The following DAB1 variants were observed in gnomAD, a reference collection of about 807,000 sequenced individuals.
The protein encoded by DAB1 is DAB adaptor protein 1.
DAB1 carries 15 observed loss-of-function variants against 64.6 expected under a neutral mutation model. The observed-to-expected ratio is 0.23, with a 90% CI of 0.16 to 0.36. The LOEUF (loss-of-function observed/expected upper bound fraction) is 0.36. DAB1 is among the 10% of genes least tolerant of loss of function. DAB1 has a pLI of 1.00. For missense variants in DAB1, 596 were observed against 706.7 expected, an observed-to-expected ratio of 0.84 and a Z score of 1.78; for synonymous variants, 235 against 251.9, an observed-to-expected ratio of 0.93 and a Z score of 0.64.
intron 7 of DAB1, among the ~76,000 whole-genome samples, chr1:57,515,494 G>A (rs909974907): frequency 6.6e-6 from 1 of 152,184 alleles, no homozygotes; most frequent in African/African-American, 2.4e-5. Flanking sequence ...CCAAGAATAT[G>A]GTCGCTGTTC....
chr1:57,504,303 C>T (rs901887650), intron 7 of DAB1, among the ~76,000 whole-genome samples: 1 of 152,106 alleles, frequency 6.6e-6, no homozygotes, highest in Non-Finnish European at 1.5e-5. Context: ...ACAGGCAATA[C>T]ACAAGATAAG....
chr1:57,751,206 T>C (rs190282657), intron 6 of DAB1, among the ~76,000 whole-genome samples: 11 of 151,930 alleles, frequency 7.2e-5, no homozygotes, highest in Admixed American at 3.3e-4. Context: ...AGAAAATGTG[T>C]GGCCATCAGA....
intron 4 of DAB1, among the ~76,000 whole-genome samples, chr1:58,225,852 C>T (rs3850538): frequency 0.57 from 82,658 of 144,796 alleles, 26,467 homozygotes; most frequent in Non-Finnish European, 0.72. Context: ...GGAGATAGAC[C>T]TAATGTTACA....
chr1:57,257,492 A>T (rs1669853948), intron 2 of DAB1, among the ~76,000 whole-genome samples: 1 of 152,110 alleles, frequency 6.6e-6, no homozygotes, highest in African/African-American at 2.4e-5. Flanking sequence ...TTATTATCCC[A>T]CTTTAAAGAT....
At chr1:58,392,669 A>G (rs1393153421) in intron 3 of DAB1, among the ~76,000 whole-genome samples, 1 of 152,180 alleles carries the variant, frequency 6.6e-6, no homozygotes, top group Non-Finnish European at 1.5e-5. Context: ...CTCAAACGAA[A>G]TGTGGGGGAA....
At chr1:58,187,808 A>C (rs1268074773) in intron 4 of DAB1, among the ~76,000 whole-genome samples, 1 of 150,480 alleles carries the variant, frequency 6.6e-6, no homozygotes, top group Non-Finnish European at 1.5e-5. Context: ...TGAACTCCTG[A>C]CCTCAAGTGA....
intron 2 of DAB1, among the ~76,000 whole-genome samples, chr1:57,211,796 A>G (rs1181681535): frequency 5.9e-5 from 9 of 152,222 alleles, no homozygotes. Flanking sequence ...AAAATATAAT[A>G]CAGCAACTAT....
intron 4 of DAB1, among the ~76,000 whole-genome samples, chr1:58,299,374 A>G (rs6688958): frequency 0.086 from 13,106 of 152,244 alleles, 873 homozygotes; most frequent in Admixed American, 0.17. Flanking sequence ...TGCACTTTCA[A>G]TGAGGTGTGC....
intron 4 of DAB1, among the ~76,000 whole-genome samples, chr1:57,093,189 A>G (rs1037501184): frequency 1.3e-5 from 2 of 152,214 alleles, no homozygotes; most frequent in Admixed American, 1.3e-4. Flanking sequence ...GGTTTCAGGC[A>G]GAGGCAGGTG....
intron 3 of DAB1, among the ~76,000 whole-genome samples, chr1:58,427,914 G>A (rs542542936): frequency 1.3e-5 from 2 of 152,266 alleles, no homozygotes; most frequent in South Asian, 4.1e-4. Context: ...AATATTAACT[G>A]CAATGGGTAG....
chr1:57,030,419 T>C (rs1234887821), intron 9 of DAB1, among the ~76,000 whole-genome samples: 1 of 152,200 alleles, frequency 6.6e-6, no homozygotes, highest in Non-Finnish European at 1.5e-5. Flanking sequence ...AGCTGAATCC[T>C]GAAGGAGAGG....
intron 7 of DAB1, among the ~76,000 whole-genome samples, chr1:57,450,159 A>G (rs1686297533): frequency 6.6e-6 from 1 of 152,242 alleles, no homozygotes; most frequent in African/African-American, 2.4e-5. Context: ...GAACTGGAAG[A>G]TAGTGATTGA....
chr1:57,737,051 T>C (rs1160988653), intron 6 of DAB1, among the ~76,000 whole-genome samples: 2 of 152,146 alleles, frequency 1.3e-5, no homozygotes, highest in African/African-American at 4.8e-5. Flanking sequence ...CGAGCCAGGA[T>C]AGAGCTGCAG....
chr1:57,243,367 G>A (rs1298363680), intron 2 of DAB1, among the ~76,000 whole-genome samples: 1 of 152,168 alleles, frequency 6.6e-6, no homozygotes, highest in Non-Finnish European at 1.5e-5. Flanking sequence ...CCACAGACAT[G>A]CACAGACCTA....
intron 3 of DAB1, among the ~76,000 whole-genome samples, chr1:58,463,638 G>A (rs1350761541): frequency 6.6e-6 from 1 of 152,124 alleles, no homozygotes; most frequent in Non-Finnish European, 1.5e-5. Flanking sequence ...ATGTATCTAC[G>A]GCCTGGGCAC....
intron 7 of DAB1, among the ~76,000 whole-genome samples, chr1:57,468,932 A>G (rs1489164032): frequency 6.6e-6 from 1 of 152,206 alleles, no homozygotes; most frequent in African/African-American, 2.4e-5. Context: ...TGAATAAAAT[A>G]AGGTCTCCTG....
At chr1:57,850,054 T>A (rs913632927) in intron 1 of DAB1, among the ~76,000 whole-genome samples, 1 of 152,030 alleles carries the variant, frequency 6.6e-6, no homozygotes, top group African/African-American at 2.4e-5. Flanking sequence ...ATACCTGGCT[T>A]GGACAGGAAA....
chr1:57,282,196 A>AAC (rs1671961773), intron 2 of DAB1, among the ~76,000 whole-genome samples: 1 of 100,664 alleles, frequency 9.9e-6, no homozygotes, highest in Non-Finnish European at 2.1e-5. Flanking sequence ...AAAAAAAAAA[A>AAC]AAAAAAAAAA....
rs183083027 is a variant in DAB1, at chr1:58,112,825, T to C, written n.387+37686A>G. On this transcript the variant is annotated intron_variant and non_coding_transcript_variant, in intron 5 of 20. Coordinates refer to the DAB1 transcript ENST00000485760. ...AAAGTACATGATCCTGTCAAGTGGG[T>C]GGTGTGATGTAAATATGATGCCCCA... 1.8e-4 allele frequency among the ~76,000 whole-genome samples: 28 copies of C among 152,156 alleles called. No individual in the cohort carries two copies. In the East Asian group the frequency reaches 4.8e-3, roughly 26 times the overall value.
Sources: allele counts gnomAD v4.1 joint callset (sites outside exome capture counted in the v4.1 genomes callset), GRCh38; gene constraint gnomAD v4.1.1; transcripts MANE v1.5; gene names NCBI Gene and HGNC (gene_info 2026-07-23, HGNC 2026-07-21).